The following HYDIN variants were observed in gnomAD, a reference collection of about 807,000 sequenced individuals.
The protein encoded by HYDIN is HYDIN axonemal central pair apparatus protein.
HYDIN carries 132 observed loss-of-function variants against 403.9 expected under a neutral mutation model. The observed-to-expected ratio is 0.33, with a 90% CI of 0.28 to 0.38. The LOEUF (loss-of-function observed/expected upper bound fraction) is 0.38, where lower values mean the gene tolerates loss of function less well. Ranked by LOEUF, HYDIN falls within the 10% of genes least tolerant of loss-of-function variation. The pLI, the probability that HYDIN is intolerant of heterozygous loss-of-function variation, is 1.00. For missense variants in HYDIN, 2,827 were observed against 5,009.5 expected (o/e 0.56, Z 13.15); for synonymous variants, 1,202 against 1,891.7 (o/e 0.64, Z 9.46).
chr16:70,868,047 T>C (rs2039865344), intron 66 of HYDIN, among the ~76,000 whole-genome samples: 3 of 152,106 alleles, frequency 2.0e-5, no homozygotes, highest in Admixed American at 1.3e-4. Context: ...CAAGTCAAGA[T>C]AGTGATTACT....
chr16:70,822,011 C>T (rs1370484446), intron 83 of HYDIN, among the ~76,000 whole-genome samples: 9 of 152,164 alleles, frequency 5.9e-5, no homozygotes, highest in Non-Finnish European at 1.3e-4. Flanking sequence ...TGTTTTCATG[C>T]CTGCTAACAC....
intron 3 of HYDIN, among the ~76,000 whole-genome samples, chr16:71,180,375 A>C (rs1206055027): frequency 6.6e-6 from 1 of 152,148 alleles, no homozygotes; most frequent in Admixed American, 6.5e-5. Flanking sequence ...TCTGTAAACA[A>C]ACCCTTTTAC....
chr16:71,022,614 A>AACAAGTCTCTT (rs963506960), intron 21 of HYDIN, among the ~76,000 whole-genome samples: 3 of 151,884 alleles, frequency 2.0e-5, no homozygotes, highest in African/African-American at 7.3e-5. Flanking sequence ...ACTGAGACCT[A>AACAAGTCTCTT]ACAAGTCTCT....
chr16:70,926,046 G>A (rs12051482), intron 45 of HYDIN, among the ~76,000 whole-genome samples: 28 of 150,764 alleles, frequency 1.9e-4, no homozygotes, highest in African/African-American at 2.2e-4. Context: ...TGTGGAAGTC[G>A]GTGTGGCGAT....
intron 79 of HYDIN, 86 bp from the exon 80 acceptor site, chr16:70,833,153 A>G (rs1798370): frequency 0.059 from 71,327 of 1,205,696 alleles, 7,215 homozygotes; most frequent in African/African-American, 0.39. Flanking sequence ...GAGACTGCCT[A>G]GGCTGAGGTT....
At chr16:71,134,157 G>A (rs1003546738) in intron 8 of HYDIN, among the ~76,000 whole-genome samples, 2 of 152,082 alleles carry the variant, frequency 1.3e-5, no homozygotes, top group African/African-American at 2.4e-5. Context: ...AGATACAAGA[G>A]GACAAGAAAC....
chr16:71,146,302 C>T (rs1458570091), intron 7 of HYDIN, among the ~76,000 whole-genome samples: 1 of 144,654 alleles, frequency 6.9e-6, no homozygotes, highest in African/African-American at 2.7e-5. Context: ...CACTTCGTTT[C>T]AGCAACTAAC....
chr16:70,824,789 T>C (rs2036486091), intron 83 of HYDIN, among the ~76,000 whole-genome samples: 1 of 152,062 alleles, frequency 6.6e-6, no homozygotes, highest in Non-Finnish European at 1.5e-5. Flanking sequence ...GCTTTGCTAA[T>C]TCAGAAAGTT....
chr16:71,020,148 G>T, intron 22 of HYDIN, 26 bp downstream of exon 22: 1 of 1,612,374 alleles, frequency 6.2e-7, no homozygotes, highest in Non-Finnish European at 8.5e-7. Flanking sequence ...CAGACAGCTT[G>T]CCAGAACAGA....
intron 23 of HYDIN, among the ~76,000 whole-genome samples, chr16:70,996,536 T>G (rs942929149): frequency 1.3e-5 from 2 of 151,876 alleles, no homozygotes; most frequent in Non-Finnish European, 2.9e-5. Context: ...AAGAGAACCC[T>G]CCGCATCTGA....
intron 62 of HYDIN, among the ~76,000 whole-genome samples, chr16:70,877,681 G>A (rs539076888): frequency 6.6e-6 from 1 of 152,242 alleles, no homozygotes; most frequent in African/African-American, 2.4e-5. Flanking sequence ...GCTGATCTGA[G>A]AGGAAGGGAG....
At chr16:70,893,746 A>T (rs376067529) in intron 55 of HYDIN, 3 of 151,284 alleles carry the variant, frequency 2.0e-5, no homozygotes, top group African/African-American at 7.3e-5. Context: ...GCTGGTCTCC[A>T]ACTCCTGGGC....
chr16:71,027,338 G>C, intron 20 of HYDIN: 1 of 1,365,516 alleles, frequency 7.3e-7, no homozygotes, highest in African/African-American at 1.5e-5. Flanking sequence ...TTCTACCAGA[G>C]ACTTGCTGGC....
In HYDIN at chr16:70,908,793, G is replaced by C. The variant is rs367753066; in HGVS notation, c.8073C>G (p.Val2691=). 1 of 1,614,122 alleles carries C rather than the reference G, an allele frequency of 6.2e-7. No homozygotes were observed. The highest frequency in any genetic ancestry group is 1.3e-5 in the African/African-American group (1 of 74,938). The change falls in exon 48 of 86, where the codon GTC becomes GTG. Residue 2691 remains valine, a synonymous_variant. Transcript: ENST00000393567. The stretch of plus-strand genomic sequence containing the variant: ...GACGCTTGTCTTTCTGAATCTCGAA[G>C]ACTTGGTCTATCTTTTCTTTCATTT... The part of the protein sequence containing the change: ...KQKMKEKIDQ[V]FEIQKDKRHM...
At chr16:71,042,048 T>TA (rs1163615203) in intron 18 of HYDIN, among the ~76,000 whole-genome samples, 1 of 150,956 alleles carries the variant, frequency 6.6e-6, no homozygotes, top group Non-Finnish European at 1.5e-5. Context: ...TAGCCATTGT[T>TA]ACAGTTTTCT....
At chr16:70,913,635 T>TTAAG (rs2076757928) in intron 47 of HYDIN, among the ~76,000 whole-genome samples, 1 of 108,364 alleles carries the variant, frequency 9.2e-6, no homozygotes, top group Admixed American at 1.1e-4. Context: ...TATGTATCTG[T>TTAAG]TAAGTCCATT....
chr16:71,198,140 T>C (rs118096830), intron 1 of HYDIN, among the ~76,000 whole-genome samples: 262 of 152,354 alleles, frequency 1.7e-3, no homozygotes, highest in Middle Eastern at 3.4e-3. Flanking sequence ...ACATATTATG[T>C]ACGTTTTGTG....
At chr16:71,145,799 T>C (rs1471939382) in intron 7 of HYDIN, among the ~76,000 whole-genome samples, 1 of 152,076 alleles carries the variant, frequency 6.6e-6, no homozygotes, top group Non-Finnish European at 1.5e-5. Context: ...AGAGGCTGAG[T>C]CTGGCTTCTA....
At chr16:70,909,683 C>A (rs1260566533) in intron 47 of HYDIN, among the ~76,000 whole-genome samples, 1 of 130,476 alleles carries the variant, frequency 7.7e-6, no homozygotes, top group African/African-American at 2.8e-5. Flanking sequence ...TTGTCTCAGG[C>A]ATGTCTTTTT....
Sources: gnomAD v4.1 joint callset for allele counts (sites outside exome capture counted in the v4.1 genomes callset) on GRCh38, gnomAD v4.1.1 for gene constraint, MANE v1.5 for transcripts, NCBI Gene and HGNC (gene_info 2026-07-23, HGNC 2026-07-21) for gene names.